DQX1: variants seen among roughly 807,000 people sequenced by gnomAD.
The protein encoded by DQX1 is DEAQ-box RNA dependent ATPase 1.
DQX1 carries 66 observed loss-of-function variants against 81.3 expected under a neutral mutation model. The ratio of observed to expected loss-of-function variants is 0.81; its 90% confidence interval spans 0.67 to 1.00. DQX1 has a LOEUF of 1.00. DQX1 is among the 50% of genes least tolerant of loss of function. DQX1 has a pLI of 0.00. For missense variants in DQX1, 798 were observed against 867.9 expected, an observed-to-expected ratio of 0.92 and a Z score of 1.01; for synonymous variants, 290 against 350.0, an observed-to-expected ratio of 0.83 and a Z score of 1.91.
rs1675135023 is a variant in DQX1, at chr2:74,525,035, GTCCTCCT to G, written c.398_404del (p.Gln133ProfsTer35). ...TGAGCAGGGTGTTGGGCCCCGTGCA[GTCCTCCT>G]GGGGGATGCTGTATCCAACCTCATG... is the stretch of plus-strand genomic sequence containing the variant. On this transcript the variant is annotated frameshift_variant, in exon 3 of 12. Transcript: ENST00000404568. LOFTEE classifies it high-confidence loss of function. This position sits in a 1 kb window ranked among gnomAD's most constrained non-coding sequence, Gnocchi z 4.1. 1 of 1,614,040 alleles carries G rather than the reference GTCCTCCT, an allele frequency of 6.2e-7. No homozygotes were observed. Among genetic ancestry groups the G allele is most frequent in the Admixed American group, 1.7e-5 (1 of 60,006 alleles).
Position 74,524,252 on chromosome 2 carries a change from C to A in DQX1, c.487G>T (p.Ala163Ser), listed in dbSNP as rs1470697873. The A allele has an allele frequency of 1.2e-6, 2 of 1,614,110 alleles. No homozygotes were observed. The highest frequency in any genetic ancestry group is 1.1e-5 in the South Asian group (1 of 91,080). The stretch of plus-strand genomic sequence containing the variant: ...TCATCTAGTACCAGCACGCCCCAGG[C>A]TCCAGTGCCTCGGGTCGAGGCCACC... ...QEVASTRGTG[A>S]WGVLVLDEAQ... The change falls in exon 4 of 12, where the codon GCC (alanine) becomes TCC (serine). Residue 163 changes from alanine (A) to serine (S), a missense_variant. Physicochemically the swap from Ala to Ser is moderately conservative, Grantham distance 99. Coordinates refer to ENST00000404568, the MANE Select transcript of DQX1 (RefSeq NM_133637.3).
At position 74,523,238 on chromosome 2, in the gene DQX1, C is replaced by A. The variant is rs765627628; in HGVS notation, c.1045-20G>T. 24 of 1,614,070 alleles carry A rather than the reference C, an allele frequency of 1.5e-5. No homozygotes were observed. Among genetic ancestry groups the A allele is most frequent in the Non-Finnish European group, 1.9e-5 (23 of 1,180,040 alleles). On this transcript the variant is annotated intron_variant, in intron 5 of 11. Transcript: ENST00000404568. The stretch of plus-strand genomic sequence containing the variant: ...GTAAACCTGTTGCCCGTCCCCCAAC[C>A]AAGGCCAAGACAGATCAGAGTGGGC...
In DQX1 at chr2:74,525,200, G is replaced by A. The variant is rs769735139; in HGVS notation, c.240C>T (p.Ile80=). 44 of 1,553,360 alleles carry A rather than the reference G, an allele frequency of 2.8e-5. No individual in the cohort carries two copies. Among genetic ancestry groups the A allele is most frequent in the Non-Finnish European group, 3.7e-5 (42 of 1,146,446 alleles). The stretch of plus-strand genomic sequence containing the variant: ...GCGCAAACTCTGCACACCACTGAGG[G>A]ATCTGGGATAGAAGTAGGGAAGGAG... ...GEPGSGKSTQ[I]PQWCAEFALA... The change falls in exon 3 of 12, where the codon ATC becomes ATT. Residue 80 remains isoleucine, a splice_region_variant and synonymous_variant. Coordinates refer to ENST00000404568, the MANE Select transcript of DQX1 (RefSeq NM_133637.3). The surrounding 1 kb of genome is among the most constrained non-coding windows in gnomAD (Gnocchi z 4.1).
At chr2:74,519,770 A>T in intron 9 of DQX1, 24 bp from the exon 10 acceptor site, 1 of 1,613,116 alleles carries the variant, frequency 6.2e-7, no homozygotes, top group Non-Finnish European at 8.5e-7. Flanking sequence ...GGGACCAGCT[A>T]AACTAAAGTC....
In DQX1 at chr2:74,519,965, G is replaced by T. The variant is rs201543859; in HGVS notation, c.1565C>A (p.Thr522Lys). Residue 522 changes from threonine to lysine, a missense_variant, in exon 9 of 12, where the codon ACG becomes AAG. Thr to Lys is a moderately conservative substitution (Grantham distance 78). Coordinates refer to ENST00000404568, the MANE Select transcript of DQX1 (RefSeq NM_133637.3). ...EAALRRALEH[T>K]DGDHSSLIQV... is the part of the protein sequence containing the mutation. ...GATCAGAGAACTGTGGTCACCATCCGTGTGTTCCAGGGCCCGACGCAGGGC... is the reference window on the plus strand; with the variant it reads ...GATCAGAGAACTGTGGTCACCATCCTTGTGTTCCAGGGCCCGACGCAGGGC... The T allele has an allele frequency of 2.5e-6, 4 of 1,614,074 alleles. No individual in the cohort carries two copies. The African/African-American group carries it at 4.0e-5, about 16-fold the overall frequency.
Position 74,525,655 on chromosome 2 carries a change from G to A in DQX1, c.75C>T (p.Pro25=), listed in dbSNP as rs990188508. 7.7e-6 allele frequency: 12 copies of A among 1,551,664 alleles called. No individual in the cohort carries two copies. The African/African-American group carries it at 1.5e-4, about 19-fold the overall frequency. Residue 25 remains proline, a synonymous_variant, in exon 2 of 12, where the codon CCC becomes CCT. Transcript: ENST00000404568. The surrounding 1 kb of genome is among the most constrained non-coding windows in gnomAD (Gnocchi z 4.1). ...SPGESELAVN[P]FDGLPFSSRY... is the part of the protein sequence containing the mutation. ...GGGAAGAGAAGGGAAGCCCATCAAA[G>A]GGGTTCACAGCCAGTTCAGACTCCC...
chr2:74,519,636 G>T lies in DQX1; in HGVS notation c.1726C>A (p.Pro576Thr). ...LLELMQRIEL[P>T]LSLPAFGSEQ... ...GAGCCAAAGGCTGGTAGGGACAAGG[G>T]AAGTTCAATTCGTTGCATGAGTTCT... The change falls in exon 10 of 12, where the codon CCC becomes ACC. Residue 576 changes from proline to threonine, a missense_variant. Coordinates refer to ENST00000404568, the MANE Select transcript of DQX1 (RefSeq NM_133637.3). The T allele has an allele frequency of 2.5e-6, 4 of 1,614,226 alleles. No homozygotes were observed. Among genetic ancestry groups the T allele is most frequent in the Non-Finnish European group, 3.4e-6 (4 of 1,180,040 alleles).
In DQX1 at chr2:74,519,140, G is replaced by C. The variant is rs756267827; in HGVS notation, c.1897C>G (p.Arg633Gly). ...QLSSYCCYRSRRAPARPPPWV... is the reference protein window; with the variant it reads ...QLSSYCCYRSGRAPARPPPWV... ...GGTGGGGGTCTGGCAGGAGCTCTGC[G>C]GCTTCGGTAGCAGCAGTATGAGGAG... The change falls in exon 11 of 12, where the codon CGC (arginine) becomes GGC (glycine). Residue 633 changes from arginine to glycine, a missense_variant. By Grantham distance (125) the Arg-to-Gly change is moderately radical. Coordinates refer to ENST00000404568, the MANE Select transcript of DQX1 (RefSeq NM_133637.3). 1 of 1,613,470 alleles carries C rather than the reference G, an allele frequency of 6.2e-7. No homozygotes were observed. The highest frequency in any genetic ancestry group is 8.5e-7 in the Non-Finnish European group (1 of 1,179,748).
Position 74,525,190 on chromosome 2 carries a change from A to G in DQX1, c.250T>C (p.Cys84Arg), listed in dbSNP as rs781019908. ...CCTCTGGCCAGCGCAAACTCTGCAC[A>G]CCACTGAGGGATCTGGGATAGAAGT... is the stretch of plus-strand genomic sequence containing the variant. The part of the protein sequence containing the change: ...SGKSTQIPQW[C>R]AEFALARGFQ... Residue 84 changes from cysteine to arginine, a missense_variant, in exon 3 of 12, where the codon TGT (cysteine) becomes CGT (arginine). Coordinates refer to ENST00000404568, the MANE Select transcript of DQX1 (RefSeq NM_133637.3). The surrounding 1 kb of genome is among the most constrained non-coding windows in gnomAD (Gnocchi z 4.1). The G allele has an allele frequency of 6.4e-7, 1 of 1,571,010 alleles. No homozygotes were observed. Among genetic ancestry groups the G allele is most frequent in the Non-Finnish European group, 8.7e-7 (1 of 1,155,400 alleles).
At position 74,523,397 on chromosome 2, in the gene DQX1, C is replaced by G. The variant is rs1183556211; in HGVS notation, c.957G>C (p.Lys319Asn). 4.3e-6 allele frequency: 7 copies of G among 1,614,160 alleles called. No homozygotes were observed. The South Asian group carries it at 7.7e-5, about 18-fold the overall frequency. The change falls in exon 5 of 12, where the codon AAG becomes AAC. Residue 319 changes from lysine to asparagine, a missense_variant. Coordinates refer to ENST00000404568, the MANE Select transcript of DQX1 (RefSeq NM_133637.3). The part of the protein sequence containing the change: ...QAVYEDMDAR[K>N]VVVTHWLADF... ...CAGCCAGCCAGTGAGTGACCACAAC[C>G]TTTCGGGCATCCATGTCCTCATACA... is the stretch of plus-strand genomic sequence containing the variant.
At chr2:74,523,632 C>T in intron 4 of DQX1, 95 bp from the exon 5 acceptor site, 1 of 1,234,802 alleles carries the variant, frequency 8.1e-7, no homozygotes, top group Non-Finnish European at 1.1e-6. Context: ...TGGCCCTTCA[C>T]TCTGAGAAAA....
rs201394061 is a variant in DQX1 at position 74,518,511 on chromosome 2, C to G, written c.2089G>C (p.Asp697His). Residue 697 changes from aspartate to histidine, a missense_variant, in exon 12 of 12, where the codon GAT (aspartate) becomes CAT (histidine). Asp to His is a moderately conservative substitution (Grantham distance 81, BLOSUM62 -1). Transcript: ENST00000404568. ...LLNQLREGMADSTAGSKSSSA... is the reference protein window; with the variant it reads ...LLNQLREGMAHSTAGSKSSSA... ...GATGATTTGCTCCCTGCTGTAGAATCTGCCATTCCTTCCCTTAGCTGGTTC... is the reference window on the plus strand; with the variant it reads ...GATGATTTGCTCCCTGCTGTAGAATGTGCCATTCCTTCCCTTAGCTGGTTC... 2.5e-6 allele frequency: 4 copies of G among 1,614,140 alleles called. No individual in the cohort carries two copies. The African/African-American group carries it at 5.3e-5, about 22-fold the overall frequency.
At chr2:74,519,843 T>C in intron 9 of DQX1, 72 bp downstream of exon 9, 1 of 1,602,484 alleles carries the variant, frequency 6.2e-7, no homozygotes, top group Non-Finnish European at 8.5e-7. Flanking sequence ...AGCATAGAGA[T>C]CTGTCAGCTG....
rs1675116327 is a variant in DQX1, at chr2:74,524,282, G to A, written c.457C>T (p.Gln153Ter). 1.2e-6 allele frequency: 2 copies of A among 1,613,002 alleles called. No homozygotes were observed. The highest frequency in any genetic ancestry group is 1.3e-5 in the African/African-American group (1 of 75,036). Residue 153 changes from glutamine to a stop codon, truncating the protein, a stop_gained, in exon 4 of 12, where the codon CAG becomes TAG. Coordinates refer to ENST00000404568, the MANE Select transcript of DQX1 (RefSeq NM_133637.3). LOFTEE classifies it high-confidence loss of function. ...GTGCCTCGGGTCGAGGCCACCTCCTGCAGAAGCAGCCTGTCCCAGCAGAAC... is the reference window on the plus strand; with the variant it reads ...GTGCCTCGGGTCGAGGCCACCTCCTACAGAAGCAGCCTGTCCCAGCAGAAC... Reference protein sequence around the residue: ...LRFCWDRLLLQEVASTRGTGA... With the variant: ...LRFCWDRLLL
Position 74,525,490 on chromosome 2 carries a change from C to T in DQX1, c.237+3G>A, listed in dbSNP as rs1045998659. The T allele has an allele frequency of 3.2e-6, 5 of 1,552,152 alleles. No individual in the cohort carries two copies. Among genetic ancestry groups the T allele is most frequent in the Non-Finnish European group, 8.7e-7 (1 of 1,147,158 alleles). ...CTGCCTGCCCCCACAACCCCCACCA[C>T]ACCTGGGTGCTCTTGCCAGAACCAG... is the stretch of plus-strand genomic sequence containing the variant. On this transcript the variant is annotated splice_donor_region_variant and intron_variant, in intron 2 of 11. Coordinates refer to ENST00000404568, the MANE Select transcript of DQX1 (RefSeq NM_133637.3). This position sits in a 1 kb window ranked among gnomAD's most constrained non-coding sequence, Gnocchi z 4.1.
chr2:74,520,605 A>G (rs1384949559), intron 8 of DQX1, among the ~76,000 whole-genome samples: 1 of 152,172 alleles, frequency 6.6e-6, no homozygotes, highest in Admixed American at 6.5e-5. Flanking sequence ...AGGCTGGAGT[A>G]CTGAGGAAAG....
At chr2:74,520,745 C>T (rs992786199) in intron 8 of DQX1, among the ~76,000 whole-genome samples, 2 of 151,950 alleles carry the variant, frequency 1.3e-5, no homozygotes, top group African/African-American at 4.8e-5. Context: ...GTGATCATGG[C>T]CCGTTGCAGC....
rs1371679357 is a variant in DQX1, at chr2:74,519,910, C to T, written c.1615+5G>A. 1.2e-6 allele frequency: 2 copies of T among 1,612,464 alleles called. No homozygotes were observed. Among genetic ancestry groups the T allele is most frequent in the Non-Finnish European group, 1.7e-6 (2 of 1,178,964 alleles). On this transcript the variant is annotated splice_donor_5th_base_variant and intron_variant, in intron 9 of 11. Coordinates refer to ENST00000404568, the MANE Select transcript of DQX1 (RefSeq NM_133637.3). Reference sequence around the variant, plus strand: ...TGGGATTCTATAAAAGGATGCAGAACTCACTTTGTATAAAGGCTTCATACA... The same window carrying T: ...TGGGATTCTATAAAAGGATGCAGAATTCACTTTGTATAAAGGCTTCATACA...
chr2:74,521,712 T>TCTCTCCCTCTCTTTCC (rs1558601665), intron 8 of DQX1, among the ~76,000 whole-genome samples: 2 of 149,950 alleles, frequency 1.3e-5, no homozygotes, highest in African/African-American at 4.9e-5. Context: ...ATGCTCTCTC[T>TCTCTCCCTCTCTTTCC]CTCTCCCTCT....
Sources: gnomAD v4.1 joint callset for allele counts (sites outside exome capture counted in the v4.1 genomes callset) on GRCh38, gnomAD v4.1.1 for gene constraint, Gnocchi (gnomAD v3.1) non-coding constraint, MANE v1.5 for transcripts, NCBI Gene and HGNC (gene_info 2026-07-23, HGNC 2026-07-21) for gene names.